Variants in RNF135 observed in about 807,000 individuals in gnomAD.
RNF135 encodes the protein E3 ubiquitin-protein ligase RNF135.
Under a neutral mutation model 41.9 loss-of-function variants are expected in RNF135, and 46 were observed. That is an observed-to-expected ratio of 1.10 (90% CI 0.87 to 1.40). RNF135 has a LOEUF of 1.40. Ranked by LOEUF, RNF135 falls within the 40% of genes most tolerant of loss-of-function variation. RNF135 has a pLI of 0.00. For synonymous variants in RNF135, 238 were observed against 223.8 expected, an observed-to-expected ratio of 1.06 and a Z score of -0.57; for missense variants, 539 against 549.8, an observed-to-expected ratio of 0.98 and a Z score of 0.20.
chr17:30,988,912 T>TTTTC (rs1012646026), intron 3 of RNF135, among the ~76,000 whole-genome samples: 4 of 144,750 alleles, frequency 2.8e-5, no homozygotes, highest in Admixed American at 6.8e-5. Flanking sequence ...TTTTTTTTTC[T>TTTTC]TTTCTTTCTT....
intron 3 of RNF135, 68 bp from the exon 4 acceptor site, chr17:30,997,174 A>G: frequency 4.2e-6 from 5 of 1,184,202 alleles, no homozygotes; most frequent in Non-Finnish European, 6.3e-6. Flanking sequence ...CTTGACCATG[A>G]TGTTTGGAGA....
intron 2 of RNF135, 49 bp downstream of exon 2, chr17:30,984,809 G>A (rs1212543963): frequency 1.9e-6 from 3 of 1,597,522 alleles, no homozygotes; most frequent in East Asian, 4.5e-5. Flanking sequence ...TAGGGCTAGG[G>A]ATTGCTTTCA....
chr17:30,996,351 G>A (rs1351744730), intron 3 of RNF135, among the ~76,000 whole-genome samples: 1 of 152,122 alleles, frequency 6.6e-6, no homozygotes, highest in Non-Finnish European at 1.5e-5. Flanking sequence ...GCCTCCCAAA[G>A]TGCTGGGATT....
Position 30,999,591 on chromosome 17 carries a change from C to A in RNF135, c.*400C>A. ...TTTTGTTTACCTGTGGGCCTTGGGCCATGCAGTATCAGCTTGACCTTGCAA... is the reference window on the plus strand; with the variant it reads ...TTTTGTTTACCTGTGGGCCTTGGGCAATGCAGTATCAGCTTGACCTTGCAA... On this transcript the variant is annotated 3_prime_UTR_variant, in exon 5 of 5. Coordinates refer to ENST00000328381, the MANE Select transcript of RNF135 (RefSeq NM_032322.4). 4.2e-6 allele frequency: 1 copy of A among 235,384 alleles called. No homozygotes were observed. Among genetic ancestry groups the A allele is most frequent in the Non-Finnish European group, 8.6e-6 (1 of 116,626 alleles). The allele number at this position is 235,384 out of a possible 1,614,324, so 14.6% of individuals were successfully genotyped here.
In RNF135 at chr17:30,999,323, A is replaced by C; in HGVS notation, c.*132A>C. On this transcript the variant is annotated 3_prime_UTR_variant, in exon 5 of 5. Transcript: ENST00000328381. The stretch of plus-strand genomic sequence containing the variant: ...GAGATGGGATCTCACTAGGTTGCCC[A>C]GGCTGGTGTCGAATTCCTGGTCTCA... 9.5e-7 allele frequency: 1 copy of C among 1,047,504 alleles called. No homozygotes were observed. Among genetic ancestry groups the C allele is most frequent in the African/African-American group, 1.6e-5 (1 of 63,352 alleles). The allele number at this position is 1,047,504 out of a possible 1,614,324, so 64.9% of individuals were successfully genotyped here.
intron 4 of RNF135, 32 bp from the exon 5 acceptor site, chr17:30,998,630 A>G (rs1327751891): frequency 1.9e-6 from 3 of 1,607,620 alleles, no homozygotes; most frequent in Non-Finnish European, 2.6e-6. Context: ...ATGACCGGCC[A>G]TGTTCTTATT....
At chr17:30,977,499 G>A (rs986234934) in intron 1 of RNF135, among the ~76,000 whole-genome samples, 6 of 152,048 alleles carry the variant, frequency 3.9e-5, no homozygotes, top group African/African-American at 1.2e-4. Flanking sequence ...TCAGCCTCCC[G>A]AGTAGCTGGG....
chr17:30,960,864 C>T, the RNF135 span, among the ~76,000 whole-genome samples: 2 of 151,154 alleles, frequency 1.3e-5, no homozygotes, highest in Admixed American at 1.3e-4. Flanking sequence ...CTCAGCCTCC[C>T]GAGTAGCTGG....
At chr17:30,960,870 G>T in the RNF135 span, among the ~76,000 whole-genome samples, 90 of 151,330 alleles carry the variant, frequency 5.9e-4, no homozygotes, top group Non-Finnish European at 6.9e-4. Flanking sequence ...CTCCCGAGTA[G>T]CTGGGACTAC....
rs1451509388 is a variant in RNF135 at position 30,984,673 on chromosome 17, A to T, written c.429A>T (p.Glu143Asp). ...CTCAGGAGCTGACAGAGCTGGTGGAACATCTTGTAGACATTGTCAGAAGCC... is the reference window on the plus strand; with the variant it reads ...CTCAGGAGCTGACAGAGCTGGTGGATCATCTTGTAGACATTGTCAGAAGCC... ...EVAQELTELV[E>D]HLVDIVRSLQ... Residue 143 changes from glutamate to aspartate, a missense_variant, in exon 2 of 5, where the codon GAA (glutamate) becomes GAT (aspartate). By Grantham distance (45) the Glu-to-Asp change is conservative. This residue lies in a region of RNF135 where 277 missense variants were observed against 212.8 expected (regional missense o/e 1.30). Coordinates refer to ENST00000328381, the MANE Select transcript of RNF135 (RefSeq NM_032322.4). The T allele has an allele frequency of 6.2e-7, 1 of 1,614,202 alleles. No individual in the cohort carries two copies. The highest frequency in any genetic ancestry group is 1.3e-5 in the African/African-American group (1 of 75,058).
chr17:30,963,673 A>G, the RNF135 span, among the ~76,000 whole-genome samples: 1 of 152,072 alleles, frequency 6.6e-6, no homozygotes, highest in Admixed American at 6.6e-5. Context: ...ATTTGTAAAT[A>G]TTTTCTTCCA....
upstream of RNF135, among the ~76,000 whole-genome samples, chr17:30,969,669 G>C (rs1354306653): frequency 6.6e-6 from 1 of 152,050 alleles, no homozygotes; most frequent in South Asian, 2.1e-4. Context: ...CACTGGAAAC[G>C]TTGATGAGCA....
chr17:30,971,228 G>A lies in RNF135; in HGVS notation c.155G>A (p.Arg52His), dbSNP rs1271372588. 1.3e-6 allele frequency: 2 copies of A among 1,512,822 alleles called. No homozygotes were observed. Among genetic ancestry groups the A allele is most frequent in the Non-Finnish European group, 1.8e-6 (2 of 1,137,322 alleles). The allele number at this position is 1,512,822 out of a possible 1,614,324, so 93.7% of individuals were successfully genotyped here. ...RHCLEALWGA[R>H]DARRWACPTC... ...TGCCTGGAGGCCCTGTGGGGCGCCCGCGACGCCCGCCGCTGGGCCTGCCCC... is the reference window on the plus strand; with the variant it reads ...TGCCTGGAGGCCCTGTGGGGCGCCCACGACGCCCGCCGCTGGGCCTGCCCC... Residue 52 changes from arginine (R) to histidine (H), a missense_variant, in exon 1 of 5, where the codon CGC becomes CAC. Transcript: ENST00000328381.
In RNF135 at chr17:30,987,961, G is replaced by A. The variant is rs767904407; in HGVS notation, c.534G>A (p.Val178=). 3 of 1,613,994 alleles carry A rather than the reference G, an allele frequency of 1.9e-6. No homozygotes were observed. The highest frequency in any genetic ancestry group is 1.7e-6 in the Non-Finnish European group (2 of 1,179,944). The change falls in exon 3 of 5, where the codon GTG becomes GTA. Residue 178 remains valine (V), a synonymous_variant. Coordinates refer to ENST00000328381, the MANE Select transcript of RNF135 (RefSeq NM_032322.4). ...SILGKAFSSG[V]DLSMASPKLV... Reference sequence around the variant, plus strand: ...ATCAATAGGCTTTTTCTTCTGGGGTGGATCTTTCCATGGCTTCTCCAAAGC... The same window carrying A: ...ATCAATAGGCTTTTTCTTCTGGGGTAGATCTTTCCATGGCTTCTCCAAAGC...
the RNF135 span, among the ~76,000 whole-genome samples, chr17:30,962,152 G>A: frequency 6.8e-6 from 1 of 146,354 alleles, no homozygotes; most frequent in African/African-American, 2.5e-5. Context: ...TTTTTTTCCC[G>A]AGATGGAGTC....
At chr17:30,962,528 C>T in the RNF135 span, among the ~76,000 whole-genome samples, 2 of 151,850 alleles carry the variant, frequency 1.3e-5, no homozygotes, top group Non-Finnish European at 2.9e-5. Flanking sequence ...TGCAGTGGCA[C>T]GATCTCGGCT....
chr17:30,979,260 G>T (rs1325432631), intron 1 of RNF135: 2 of 110,756 alleles, frequency 1.8e-5, no homozygotes, highest in Non-Finnish European at 3.4e-5. Context: ...CCACCCTCCC[G>T]GACGGGGCGG....
intron 3 of RNF135, among the ~76,000 whole-genome samples, chr17:30,994,380 C>T (rs1413871315): frequency 6.6e-6 from 1 of 151,782 alleles, no homozygotes; most frequent in East Asian, 2.0e-4. Context: ...CACTTCTCTA[C>T]CAAAAATACA....
At chr17:30,969,136 C>G (rs1905684125), upstream of RNF135, 1 of 152,182 alleles carries the variant, frequency 6.6e-6, no homozygotes, top group African/African-American at 2.4e-5. Context: ...CTCCTGAGTT[C>G]AGGCAATCCA....
Sources: allele counts gnomAD v4.1 joint callset (sites outside exome capture counted in the v4.1 genomes callset), GRCh38; gene constraint gnomAD v4.1.1; regional missense constraint gnomAD v4.1.1; transcripts MANE v1.5; gene names NCBI Gene and HGNC (gene_info 2026-07-23, HGNC 2026-07-21).